Variants in DCLK1 observed in about 807,000 individuals in gnomAD.
DCLK1 encodes the protein doublecortin like kinase 1.
A neutral mutation model predicts 86.2 loss-of-function variants in DCLK1; 16 were observed. The ratio of observed to expected loss-of-function variants is 0.19; its 90% confidence interval spans 0.13 to 0.28. The LOEUF is 0.28. DCLK1 is among the 10% of genes least tolerant of loss of function. The probability of loss-of-function intolerance (pLI) is 1.00; values close to 1 mark genes in which losing one functional copy is unlikely to be tolerated. For missense variants in DCLK1, 590 were observed against 940.2 expected (o/e 0.63, Z 4.87); for synonymous variants, 369 against 370.5 (o/e 1.00, Z 0.05).
intron 10 of DCLK1, among the ~76,000 whole-genome samples, chr13:35,827,347 C>T (rs1222774500): frequency 6.6e-6 from 1 of 152,170 alleles, no homozygotes; most frequent in African/African-American, 2.4e-5. Flanking sequence ...TGGAAGCCAT[C>T]TCTTCATCCC....
intron 3 of DCLK1, among the ~76,000 whole-genome samples, chr13:36,030,187 AG>A (rs1393343146): frequency 5.9e-5 from 9 of 152,244 alleles, no homozygotes; most frequent in Non-Finnish European, 4.4e-5. Context: ...TATCTAATTC[AG>A]ACCAAAAGAA....
intron 3 of DCLK1, among the ~76,000 whole-genome samples, chr13:36,060,284 A>T (rs546008527): frequency 6.6e-6 from 1 of 152,282 alleles, no homozygotes; most frequent in South Asian, 2.1e-4. Context: ...ATGCCTATTA[A>T]TCAACAATTC....
At chr13:36,090,674 C>T (rs1002807933) in intron 3 of DCLK1, among the ~76,000 whole-genome samples, 2 of 152,084 alleles carry the variant, frequency 1.3e-5, no homozygotes, top group African/African-American at 4.8e-5. Flanking sequence ...TGAACGCATG[C>T]GTGGAGAAGG....
Position 35,870,999 on chromosome 13 carries a change from G to T in DCLK1, c.940+225C>A, listed in dbSNP as rs542170743. On this transcript the variant is annotated intron_variant, in intron 5 of 16. Transcript: ENST00000360631. ...GTTCTTCTATTTGTGGGCAAATCTG[G>T]GTTTCCTGAGTCCTCACTAAGTACA... Among the ~76,000 whole-genome samples the T allele has an allele frequency of 1.1e-4, 17 of 152,270 alleles. No individual in the cohort carries two copies. The South Asian group carries it at 1.5e-3, about 13-fold the overall frequency.
chr13:35,992,462 T>C (rs1880280414), intron 3 of DCLK1, among the ~76,000 whole-genome samples: 1 of 151,978 alleles, frequency 6.6e-6, no homozygotes, highest in African/African-American at 2.4e-5. Flanking sequence ...TTTTTAATGT[T>C]GGGGGCTTAA....
chr13:36,007,522 T>G (rs1881032930), intron 3 of DCLK1, among the ~76,000 whole-genome samples: 1 of 152,168 alleles, frequency 6.6e-6, no homozygotes, highest in Admixed American at 6.5e-5. Flanking sequence ...TAGAGATGAA[T>G]ATTGCATGCT....
chr13:36,118,819 G>A (rs1885881832), intron 2 of DCLK1, among the ~76,000 whole-genome samples: 1 of 152,206 alleles, frequency 6.6e-6, no homozygotes. Context: ...AGGCTGGGAA[G>A]TCCAAGATCA....
chr13:36,014,817 A>G (rs1450410480), intron 3 of DCLK1, among the ~76,000 whole-genome samples: 1 of 152,206 alleles, frequency 6.6e-6, no homozygotes, highest in Non-Finnish European at 1.5e-5. Context: ...TAAGCTATAG[A>G]CTCATCAGAA....
At chr13:36,013,307 C>T (rs1198747050) in intron 3 of DCLK1, among the ~76,000 whole-genome samples, 27 of 150,982 alleles carry the variant, frequency 1.8e-4, no homozygotes, top group South Asian at 1.0e-3. Flanking sequence ...AGGCGCTCTG[C>T]GTTTTAGAGT....
At chr13:35,984,026 G>C (rs1879787582) in intron 3 of DCLK1, among the ~76,000 whole-genome samples, 1 of 152,198 alleles carries the variant, frequency 6.6e-6, no homozygotes, top group Admixed American at 6.5e-5. Context: ...CTATGAAATG[G>C]GGCCAACACC....
chr13:35,849,148 C>T (rs920972915), intron 6 of DCLK1: 199 of 985,130 alleles, frequency 2.0e-4, no homozygotes, highest in Non-Finnish European at 2.3e-4. Context: ...ATTGCCTGGA[C>T]GTTTTTTCTT....
intron 3 of DCLK1, among the ~76,000 whole-genome samples, chr13:36,032,193 G>C (rs984326721): frequency 1.3e-5 from 2 of 150,904 alleles, no homozygotes; most frequent in African/African-American, 2.4e-5. Context: ...CTAGGCAGGA[G>C]TGCAATGGCA....
intron 3 of DCLK1, among the ~76,000 whole-genome samples, chr13:35,957,486 T>A (rs9565705): frequency 6.6e-6 from 1 of 152,078 alleles, no homozygotes; most frequent in African/African-American, 2.4e-5. Flanking sequence ...TGACACATGA[T>A]GTTACATCAA....
chr13:35,852,560 G>A (rs532980138), intron 6 of DCLK1, among the ~76,000 whole-genome samples: 6 of 152,214 alleles, frequency 3.9e-5, no homozygotes, highest in East Asian at 3.9e-4. Context: ...TGCACTGATC[G>A]TTTAAATGGT....
chr13:35,812,944 C>T (rs1458368162), intron 11 of DCLK1, among the ~76,000 whole-genome samples: 1 of 152,208 alleles, frequency 6.6e-6, no homozygotes, highest in African/African-American at 2.4e-5. Flanking sequence ...AAGTTAAAAA[C>T]TTTGAGGCAT....
chr13:36,023,901 C>CTTTCTT (rs573748537), intron 3 of DCLK1, among the ~76,000 whole-genome samples: 10 of 128,502 alleles, frequency 7.8e-5, no homozygotes, highest in African/African-American at 1.5e-4. Flanking sequence ...TTCTTTCTTT[C>CTTTCTT]TTTTTTTTTT....
At chr13:36,013,526 C>G (rs1410206284) in intron 3 of DCLK1, among the ~76,000 whole-genome samples, 5 of 152,138 alleles carry the variant, frequency 3.3e-5, no homozygotes, top group African/African-American at 7.2e-5. Context: ...GGGTGCCTCC[C>G]AGTTAGGCTG....
rs547197616 is a variant in DCLK1, at chr13:35,841,688, C to G, written c.1036-2512G>C. Among the ~76,000 whole-genome samples the G allele has an allele frequency of 9.2e-5, 14 of 152,198 alleles. No individual in the cohort carries two copies. In the East Asian group the frequency reaches 2.7e-3, roughly 29 times the overall value. ...AGATGATGGGCAGTCAAGAGAAAAACGTACTTACGGTCATACAGAGTTCTC... is the reference window on the plus strand; with the variant it reads ...AGATGATGGGCAGTCAAGAGAAAAAGGTACTTACGGTCATACAGAGTTCTC... On this transcript the variant is annotated intron_variant, in intron 6 of 16. Transcript: ENST00000360631.
At chr13:35,782,916 T>C (rs2086554350) in intron 16 of DCLK1, among the ~76,000 whole-genome samples, 1 of 152,248 alleles carries the variant, frequency 6.6e-6, no homozygotes, top group Non-Finnish European at 1.5e-5. Flanking sequence ...ACTCAACTAC[T>C]CAACTCTGCT....
Sources: gnomAD v4.1 joint callset for allele counts (sites outside exome capture counted in the v4.1 genomes callset) on GRCh38, gnomAD v4.1.1 for gene constraint, MANE v1.5 for transcripts, NCBI Gene and HGNC (gene_info 2026-07-23, HGNC 2026-07-21) for gene names.